Variants in TMOD2 observed in about 807,000 individuals in gnomAD.
TMOD2 encodes the protein tropomodulin 2, also known as tropomodulin-2.
A neutral mutation model predicts 39.9 loss-of-function variants in TMOD2; 22 were observed. That is an observed-to-expected ratio of 0.55 (90% confidence interval 0.39 to 0.79). The LOEUF (loss-of-function observed/expected upper bound fraction) is 0.79. Ranked by LOEUF, TMOD2 falls within the 30% of genes least tolerant of loss-of-function variation. The probability of loss-of-function intolerance (pLI) is 0.00; values close to 1 mark genes in which losing one functional copy is unlikely to be tolerated. For missense variants in TMOD2, 386 were observed against 413.3 expected, an observed-to-expected ratio of 0.93 and a Z score of 0.57; for synonymous variants, 123 against 146.1, an observed-to-expected ratio of 0.84 and a Z score of 1.14.
At chr15:51,803,185 T>G (rs35482077) in intron 8 of TMOD2, among the ~76,000 whole-genome samples, 7 of 61,366 alleles carry the variant, frequency 1.1e-4, no homozygotes, top group African/African-American at 2.3e-4. Context: ...TTTTTTTTTT[T>G]TTTTTTCTTT....
chr15:51,781,282 C>T (rs1748574543), intron 6 of TMOD2, 108 bp downstream of exon 6: 4 of 1,019,322 alleles, frequency 3.9e-6, no homozygotes, highest in African/African-American at 1.6e-5. Context: ...TCTTTGTAGT[C>T]ACTGAGTTGG....
Position 51,804,585 on chromosome 15 carries a change from T to TTTTG in TMOD2, c.877-1789_877-1788insGTTT, listed in dbSNP as rs1567248954. 1.2e-3 allele frequency among the ~76,000 whole-genome samples: 161 copies of TTTTG among 139,728 alleles called. No individual in the cohort carries two copies. The East Asian group carries it at 0.02, about 18-fold the overall frequency. 91.7% of individuals were successfully genotyped at this position (139,728 alleles called of 152,430 possible). A position where few individuals can be genotyped will look rare whatever the true frequency, so the allele number is the denominator to read the frequency against. ...GTTTTGTTTTGTTTTGTTTTGTTTT[T>TTTTG]TTTTTTGAGATGGAGCCTACTCTGT... On this transcript the variant is annotated intron_variant, in intron 8 of 9. Coordinates refer to ENST00000249700, the MANE Select transcript of TMOD2 (RefSeq NM_014548.4).
Position 51,776,972 on chromosome 15 carries a change from C to T in TMOD2, c.447C>T (p.Phe149=), listed in dbSNP as rs372217308. 38 of 1,613,774 alleles carry T rather than the reference C, an allele frequency of 2.4e-5. No homozygotes were observed. The highest frequency in any genetic ancestry group is 4.5e-5 in the East Asian group (2 of 44,868). The change falls in exon 5 of 10, where the codon TTC becomes TTT. Residue 149 remains phenylalanine (F), a synonymous_variant. Transcript: ENST00000249700. ...ACAATTTGCTCAACAATCCAAAGTT[C>T]GATGAAGAAACAGCCAACAATAAAG... The part of the protein sequence containing the change: ...GVHNLLNNPK[F]DEETANNKGG...
Position 51,809,997 on chromosome 15 carries a change from C to T in TMOD2, c.*1543C>T, listed in dbSNP as rs1347818066. 6.6e-6 allele frequency: 1 copy of T among 152,122 alleles called. No homozygotes were observed. Among genetic ancestry groups the T allele is most frequent in the Non-Finnish European group, 1.5e-5 (1 of 68,036 alleles). 9.4% of individuals were successfully genotyped at this position (152,122 alleles called of 1,614,324 possible). ...TCTGTGTCTCTGAAGTCCTTTGAAA[C>T]ATCTCATTATCTTGAAATTTTTTTA... On this transcript the variant is annotated 3_prime_UTR_variant, in exon 10 of 10. Coordinates refer to ENST00000249700, the MANE Select transcript of TMOD2 (RefSeq NM_014548.4).
At chr15:51,783,065 T>C in intron 7 of TMOD2, 1 of 500,804 alleles carries the variant, frequency 2.0e-6, no homozygotes, top group Non-Finnish European at 3.6e-6. Context: ...CAAGATAAGT[T>C]TGGCATTTAA....
chr15:51,796,569 C>G lies in TMOD2; in HGVS notation c.733-1628C>G, dbSNP rs114060588. On this transcript the variant is annotated intron_variant, in intron 7 of 9. Transcript: ENST00000249700. Reference sequence around the variant, plus strand: ...ACCTGAAACCACAGATAGTACCAAACCCGATATGTGCTATGTCTTTTCCTA... The same window carrying G: ...ACCTGAAACCACAGATAGTACCAAAGCCGATATGTGCTATGTCTTTTCCTA... 7.3e-3 allele frequency among the ~76,000 whole-genome samples: 1,118 copies of G among 152,258 alleles called. 17 individuals are homozygous for G. The highest frequency in any genetic ancestry group is 0.026 in the African/African-American group (1,074 of 41,540).
At chr15:51,779,658 C>T (rs908104716) in intron 5 of TMOD2, among the ~76,000 whole-genome samples, 1 of 150,988 alleles carries the variant, frequency 6.6e-6, no homozygotes, top group Non-Finnish European at 1.5e-5. Flanking sequence ...GAGTAGATAA[C>T]TTTTTTAATG....
chr15:51,775,574 T>C (rs1223754006), intron 4 of TMOD2, among the ~76,000 whole-genome samples: 4 of 126,852 alleles, frequency 3.2e-5, no homozygotes, highest in Admixed American at 7.9e-5. Flanking sequence ...TTTTTCCTTT[T>C]TTTTTTTTTT....
At chr15:51,778,359 A>C (rs2055904120) in intron 5 of TMOD2, among the ~76,000 whole-genome samples, 1 of 114,238 alleles carries the variant, frequency 8.8e-6, no homozygotes, top group Non-Finnish European at 1.8e-5. Context: ...GGGGGGAGGG[A>C]TAGCATTAGG....
At chr15:51,752,060 C>G (rs528417933) in intron 1 of TMOD2, among the ~76,000 whole-genome samples, 3 of 152,092 alleles carry the variant, frequency 2.0e-5, no homozygotes, top group African/African-American at 7.2e-5. Flanking sequence ...TTCTTCCACT[C>G]CGGGCTTTGT....
intron 1 of TMOD2, among the ~76,000 whole-genome samples, chr15:51,765,100 A>T (rs993706374): frequency 3.3e-5 from 5 of 152,068 alleles, no homozygotes; most frequent in African/African-American, 1.2e-4. Context: ...TCCCGGGTTC[A>T]AGCAATTCTC....
rs768900589 is a variant in TMOD2 at position 51,781,159 on chromosome 15, C to G, written c.609C>G (p.Asn203Lys). The change falls in exon 6 of 10, where the codon AAC (asparagine) becomes AAG (lysine). Residue 203 changes from asparagine (N) to lysine (K), a missense_variant. Asn to Lys is a moderately conservative substitution (Grantham distance 94). Transcript: ENST00000249700. Reference sequence around the variant, plus strand: ...ATGATCCTAGCTTGCAAGAAGTCAACCTCAACAACATTAAGGTATTTCATT... The same window carrying G: ...ATGATCCTAGCTTGCAAGAAGTCAAGCTCAACAACATTAAGGTATTTCATT... ...KANDPSLQEVNLNNIKNIPIP... is the reference protein window; with the variant it reads ...KANDPSLQEVKLNNIKNIPIP... 2.5e-6 allele frequency: 4 copies of G among 1,608,076 alleles called. No homozygotes were observed. In the Admixed American group the frequency reaches 6.9e-5, roughly 28 times the overall value.
intron 8 of TMOD2, among the ~76,000 whole-genome samples, chr15:51,802,858 G>GGA (rs1297113717): frequency 2.6e-5 from 4 of 152,278 alleles, no homozygotes; most frequent in African/African-American, 9.6e-5. Flanking sequence ...AAGTTCTTGA[G>GGA]GAGAGACTCG....
intron 3 of TMOD2, 103 bp downstream of exon 3, chr15:51,768,521 G>C (rs777110954): frequency 4.0e-5 from 48 of 1,190,640 alleles, no homozygotes; most frequent in South Asian, 1.3e-4. Context: ...TTTTATTGTC[G>C]TGGAGGATCA....
chr15:51,757,678 G>A (rs2055751916), intron 1 of TMOD2, among the ~76,000 whole-genome samples: 1 of 152,196 alleles, frequency 6.6e-6, no homozygotes, highest in Admixed American at 6.5e-5. Context: ...AGGGGAGGCT[G>A]TAGCAGTGCT....
intron 6 of TMOD2, among the ~76,000 whole-genome samples, chr15:51,782,058 C>T (rs2055934596): frequency 6.6e-6 from 1 of 152,196 alleles, no homozygotes; most frequent in Non-Finnish European, 1.5e-5. Flanking sequence ...CTTCTAACTG[C>T]ACCCCACATT....
rs766384476 is a variant in TMOD2, at chr15:51,782,739, C to G, written c.643C>G (p.Leu215Val). ...GTCTTAGAACATTCCAATTCCAACC[C>G]TGAGGGAATTTGCAAAGGCTCTGGA... ...NNIKNIPIPT[L>V]REFAKALETN... The change falls in exon 7 of 10, where the codon CTG (leucine) becomes GTG (valine). Residue 215 changes from leucine (L) to valine (V), a missense_variant. Physicochemically the swap from Leu to Val is conservative, Grantham distance 32 (BLOSUM62 1). Coordinates refer to ENST00000249700, the MANE Select transcript of TMOD2 (RefSeq NM_014548.4). The G allele has an allele frequency of 6.2e-7, 1 of 1,613,924 alleles. No individual in the cohort carries two copies. Among genetic ancestry groups the G allele is most frequent in the South Asian group, 1.1e-5 (1 of 91,080 alleles).
At chr15:51,766,243 A>G (rs2055815655) in intron 1 of TMOD2, 130 bp from the exon 2 acceptor site, 1 of 445,960 alleles carries the variant, frequency 2.2e-6, no homozygotes, top group South Asian at 5.4e-5. Flanking sequence ...AATGAAGGGA[A>G]TATTACCTTT....
chr15:51,753,496 T>C (rs777553027), intron 1 of TMOD2, among the ~76,000 whole-genome samples: 3 of 152,100 alleles, frequency 2.0e-5, no homozygotes, highest in African/African-American at 4.8e-5. Context: ...GTTAAAATAC[T>C]CAAGTGATAC....
Sources: gnomAD v4.1 joint callset for allele counts (sites outside exome capture counted in the v4.1 genomes callset) on GRCh38, gnomAD v4.1.1 for gene constraint, MANE v1.5 for transcripts, NCBI Gene and HGNC (gene_info 2026-07-23, HGNC 2026-07-21) for gene names.